RTF1: variants seen among roughly 807,000 people sequenced by gnomAD.
The protein encoded by RTF1 is RTF1 homolog, Paf1/RNA polymerase II complex component, also known as RNA polymerase-associated protein RTF1 homolog.
RTF1 carries 10 observed loss-of-function variants against 95.7 expected under a neutral mutation model. That is an observed-to-expected ratio of 0.10 (90% CI 0.06 to 0.18). RTF1 has a LOEUF of 0.18. Ranked by LOEUF, RTF1 falls within the 10% of genes least tolerant of loss-of-function variation. The pLI, the probability that RTF1 is intolerant of heterozygous loss-of-function variation, is 1.00. For synonymous variants in RTF1, 305 were observed against 311.8 expected, an observed-to-expected ratio of 0.98 and a Z score of 0.23; for missense variants, 458 against 875.6, an observed-to-expected ratio of 0.52 and a Z score of 6.02.
At chr15:41,420,401 C>T (rs192396541) in intron 1 of RTF1, among the ~76,000 whole-genome samples, 2 of 152,234 alleles carry the variant, frequency 1.3e-5, no homozygotes, top group East Asian at 3.9e-4. Context: ...CACGAAAGAC[C>T]TTTAGCACAA....
intron 2 of RTF1, among the ~76,000 whole-genome samples, chr15:41,442,847 C>G (rs541118523): frequency 1.3e-5 from 2 of 152,254 alleles, no homozygotes; most frequent in African/African-American, 4.8e-5. Context: ...GAACGCTCCA[C>G]TATATTCCAG....
intron 1 of RTF1, among the ~76,000 whole-genome samples, chr15:41,418,450 C>T (rs1216731542): frequency 2.0e-5 from 3 of 152,040 alleles, no homozygotes; most frequent in African/African-American, 7.2e-5. Flanking sequence ...GCAGTGCAAG[C>T]ATTTGCTAAT....
chr15:41,432,627 T>A (rs1242146992), intron 1 of RTF1, among the ~76,000 whole-genome samples: 1 of 152,076 alleles, frequency 6.6e-6, no homozygotes, highest in African/African-American at 2.4e-5. Flanking sequence ...ATTTCTCTTA[T>A]AACGAATTGG....
At chr15:41,459,865 A>T (rs536379949) in intron 4 of RTF1, among the ~76,000 whole-genome samples, 8 of 152,188 alleles carry the variant, frequency 5.3e-5, no homozygotes, top group Non-Finnish European at 1.0e-4. Flanking sequence ...TTATCTCCTA[A>T]CAGAATTTCA....
intron 8 of RTF1, 86 bp downstream of exon 8, chr15:41,471,435 C>A: frequency 7.4e-7 from 1 of 1,348,770 alleles, no homozygotes; most frequent in Non-Finnish European, 1.0e-6. Flanking sequence ...AAAAATCGAT[C>A]ACTCTTCTCT....
intron 2 of RTF1, among the ~76,000 whole-genome samples, chr15:41,450,520 G>A (rs2050784816): frequency 6.6e-6 from 1 of 151,680 alleles, no homozygotes; most frequent in African/African-American, 2.4e-5. Flanking sequence ...GGGAGGCGGA[G>A]CTTGCAGTGA....
At chr15:41,434,383 C>T (rs1164962034) in intron 1 of RTF1, among the ~76,000 whole-genome samples, 1 of 152,100 alleles carries the variant, frequency 6.6e-6, no homozygotes, top group African/African-American at 2.4e-5. Context: ...ATGATACATG[C>T]TGTAATGTGA....
intron 7 of RTF1, 74 bp downstream of exon 7, chr15:41,470,466 A>G (rs911825802): frequency 5.3e-6 from 8 of 1,521,984 alleles, no homozygotes; most frequent in South Asian, 1.1e-5. Context: ...ATCGTTTCCA[A>G]AATCTCCCTG....
chr15:41,461,146 A>G (rs1197697355), intron 4 of RTF1, among the ~76,000 whole-genome samples: 2 of 148,192 alleles, frequency 1.3e-5, no homozygotes, highest in African/African-American at 2.5e-5. Flanking sequence ...GGGTTCAAGC[A>G]ATTCTCCTGC....
chr15:41,439,691 G>A (rs1034208102), intron 2 of RTF1, among the ~76,000 whole-genome samples: 23 of 151,982 alleles, frequency 1.5e-4, no homozygotes, highest in Admixed American at 1.2e-3. Flanking sequence ...CACTCTTATC[G>A]CCCAGGCCAG....
In RTF1 at chr15:41,480,838, G is replaced by C. The variant is rs2050968675; in HGVS notation, c.*151G>C. On this transcript the variant is annotated 3_prime_UTR_variant, in exon 18 of 18. Transcript: ENST00000389629. ...CAGTCATCTGTAATATAAACCATTT[G>C]CTGTATAGACCTCCTTTGTCTGCAC... 3 of 646,328 alleles carry C rather than the reference G, an allele frequency of 4.6e-6. No individual in the cohort carries two copies. The highest frequency in any genetic ancestry group is 3.6e-5 in the African/African-American group (2 of 55,080). The allele number at this position is 646,328 out of a possible 1,614,324, so 40.0% of individuals were successfully genotyped here.
chr15:41,422,613 A>G (rs1409018942), intron 1 of RTF1, among the ~76,000 whole-genome samples: 5 of 152,192 alleles, frequency 3.3e-5, no homozygotes, highest in Non-Finnish European at 7.3e-5. Flanking sequence ...CTACCTTTCT[A>G]AAAAACTAAA....
chr15:41,417,767 GGAAGTTTTTCGGACAA>G (rs2050579182), intron 1 of RTF1, among the ~76,000 whole-genome samples: 1 of 152,202 alleles, frequency 6.6e-6, no homozygotes, highest in Non-Finnish European at 1.5e-5. Context: ...TCTGGAAGAT[GGAAGTTTTTCGGACAA>G]GGGATGTGGA....
intron 1 of RTF1, among the ~76,000 whole-genome samples, chr15:41,437,011 C>T (rs1269965706): frequency 5.4e-5 from 8 of 148,646 alleles, no homozygotes; most frequent in African/African-American, 1.5e-4. Context: ...CGCTTGAACC[C>T]GGGAGGCGGA....
chr15:41,445,370 CTCAAATGTATTT>C lies in RTF1; in HGVS notation c.309+6944_309+6955del, dbSNP rs1246542588. Among the ~76,000 whole-genome samples, 3 of 152,086 alleles carry C rather than the reference CTCAAATGTATTT, an allele frequency of 2.0e-5. No homozygotes were observed. The East Asian group carries it at 5.8e-4, about 29-fold the overall frequency. Reference sequence around the variant, plus strand: ...GTGATTTTCATGGACTAGTTAATTGCTCAAATGTATTTTCAAGAAATTCCGACACTCCCAACC... The same window carrying C: ...GTGATTTTCATGGACTAGTTAATTGCTCAAGAAATTCCGACACTCCCAACC... On this transcript the variant is annotated intron_variant, in intron 2 of 17. Coordinates refer to ENST00000389629, the MANE Select transcript of RTF1 (RefSeq NM_015138.5).
intron 9 of RTF1, among the ~76,000 whole-genome samples, chr15:41,474,981 T>C (rs2050935222): frequency 6.6e-6 from 1 of 152,180 alleles, no homozygotes; most frequent in African/African-American, 2.4e-5. Flanking sequence ...GGCATTTCCT[T>C]GGCAAGCATG....
At chr15:41,426,777 A>ATGTG (rs1456914265) in intron 1 of RTF1, among the ~76,000 whole-genome samples, 1 of 47,176 alleles carries the variant, frequency 2.1e-5, no homozygotes, top group African/African-American at 7.5e-5. Context: ...GCCGCTACAT[A>ATGTG]TATATGTGTG....
intron 6 of RTF1, among the ~76,000 whole-genome samples, chr15:41,468,610 C>T (rs909215582): frequency 6.6e-6 from 1 of 152,162 alleles, no homozygotes; most frequent in Non-Finnish European, 1.5e-5. Context: ...AGCCACCGCA[C>T]CCGGCCTAAA....
In RTF1 at chr15:41,480,699, C is replaced by G; in HGVS notation, c.*12C>G. On this transcript the variant is annotated 3_prime_UTR_variant, in exon 18 of 18. Coordinates refer to ENST00000389629, the MANE Select transcript of RTF1 (RefSeq NM_015138.5). The stretch of plus-strand genomic sequence containing the variant: ...GAGGGCTTATTTGAGCACACCCAGC[C>G]TGCTGCTTCTGACCCTGCATGCCCC... The G allele has an allele frequency of 6.3e-7, 1 of 1,580,278 alleles. No individual in the cohort carries two copies. Among genetic ancestry groups the G allele is most frequent in the Non-Finnish European group, 8.7e-7 (1 of 1,149,086 alleles).
Sources: gnomAD v4.1 joint callset for allele counts (sites outside exome capture counted in the v4.1 genomes callset) on GRCh38, gnomAD v4.1.1 for gene constraint, MANE v1.5 for transcripts, NCBI Gene and HGNC (gene_info 2026-07-23, HGNC 2026-07-21) for gene names.